FAM234A: variants seen among roughly 807,000 people sequenced by gnomAD.
The protein encoded by FAM234A is family with sequence similarity 234 member A, also known as protein FAM234A.
A neutral mutation model predicts 49.1 loss-of-function variants in FAM234A; 42 were observed. That is an observed-to-expected ratio of 0.86 (90% CI 0.67 to 1.11). The LOEUF is 1.11. FAM234A is among the 50% of genes least tolerant of loss of function. The probability of loss-of-function intolerance (pLI) is 0.00; values close to 1 mark genes in which losing one functional copy is unlikely to be tolerated. For synonymous variants in FAM234A, 369 were observed against 316.2 expected, an observed-to-expected ratio of 1.17 and a Z score of -1.77; for missense variants, 815 against 745.2, an observed-to-expected ratio of 1.09 and a Z score of -1.09.
In FAM234A at chr16:264,672, T is replaced by A. The variant is rs953371650; in HGVS notation, c.1403T>A (p.Leu468Gln). ...TTCCACCCCACCCTGCCGCGCGTGC[T>A]GCTGGAGCTGGCCAATGTCTCTACC... ...YMFHPTLPRV[L>Q]LELANVSTHI... The change falls in exon 12 of 13, where the codon CTG becomes CAG. Residue 468 changes from leucine (L) to glutamine (Q), a missense_variant. Physicochemically the swap from Leu to Gln is moderately radical, Grantham distance 113 (BLOSUM62 -2). Transcript: ENST00000399932. The A allele has an allele frequency of 6.2e-7, 1 of 1,612,234 alleles. No individual in the cohort carries two copies. Among genetic ancestry groups the A allele is most frequent in the Non-Finnish European group, 8.5e-7 (1 of 1,179,956 alleles).
Position 254,662 on chromosome 16 carries a change from G to A in FAM234A, c.249G>A (p.Arg83=), listed in dbSNP as rs369958258. Residue 83 remains arginine (R), a synonymous_variant, in exon 3 of 13, where the codon AGG becomes AGA. Coordinates refer to ENST00000399932, the MANE Select transcript of FAM234A (RefSeq NM_032039.4). ...PDRPASQRMW[R]IDYSAAVIYD... ...GGCCGGCGTCACAGCGAATGTGGAG[G>A]ATAGACTACAGTGCCGCTGGTGAGC... The A allele has an allele frequency of 8.6e-5, 139 of 1,613,914 alleles. No individual in the cohort carries two copies. In the African/African-American group the frequency reaches 1.6e-3, roughly 19 times the overall value.
At position 254,585 on chromosome 16, in the gene FAM234A, C is replaced by T; in HGVS notation, c.172C>T (p.Leu58Phe). ...GGCGGCGTTTTTTCTTTCATTGTTT[C>T]TCTGCCTTTTTGTGGTGTTCGTCGT... Reference protein sequence around the residue: ...RAAAFFLSLFLCLFVVFVVSF... With the variant: ...RAAAFFLSLFFCLFVVFVVSF... Residue 58 changes from leucine to phenylalanine, a missense_variant, in exon 3 of 13, where the codon CTC (leucine) becomes TTC (phenylalanine). Leu to Phe is a conservative substitution (Grantham distance 22). Transcript: ENST00000399932. The T allele has an allele frequency of 1.3e-6, 2 of 1,557,726 alleles. No individual in the cohort carries two copies. The highest frequency in any genetic ancestry group is 2.2e-5 in the South Asian group (2 of 90,136).
chr16:261,242 A>G (rs901163174), intron 5 of FAM234A, 142 bp from the exon 6 acceptor site: 5 of 944,922 alleles, frequency 5.3e-6, no homozygotes, highest in Middle Eastern at 2.7e-4. Context: ...TCCTGTTGGC[A>G]TCTGCTCTGA....
At chr16:263,602 C>T (rs921704405) in intron 9 of FAM234A, 98 bp from the exon 10 acceptor site, 3 of 1,266,540 alleles carry the variant, frequency 2.4e-6, no homozygotes, top group African/African-American at 3.0e-5. Context: ...CCAGATGTGG[C>T]CATGGGAGAC....
intron 1 of FAM234A, among the ~76,000 whole-genome samples, chr16:239,802 T>C (rs1018602150): frequency 6.6e-5 from 10 of 152,136 alleles, no homozygotes; most frequent in African/African-American, 2.4e-4. Context: ...CCTTCTCAAG[T>C]ACTGTAAAAG....
At chr16:245,983 G>A (rs950142455) in intron 1 of FAM234A, among the ~76,000 whole-genome samples, 2 of 152,068 alleles carry the variant, frequency 1.3e-5, no homozygotes, top group Non-Finnish European at 2.9e-5. Flanking sequence ...TAGGTGGGCA[G>A]ATCACGAGGT....
chr16:245,593 CT>C (rs987843205), intron 1 of FAM234A, among the ~76,000 whole-genome samples: 1 of 151,976 alleles, frequency 6.6e-6, no homozygotes, highest in African/African-American at 2.4e-5. Context: ...TTTGGCTTCC[CT>C]GGGCCACGTT....
chr16:237,821 A>C (rs2050455118), intron 1 of FAM234A, among the ~76,000 whole-genome samples: 1 of 147,828 alleles, frequency 6.8e-6, no homozygotes, highest in Non-Finnish European at 1.5e-5. Context: ...CTCTTGCCTC[A>C]GCCTCTGGAG....
intron 6 of FAM234A, among the ~76,000 whole-genome samples, chr16:261,795 C>T (rs1183915122): frequency 2.0e-5 from 3 of 152,202 alleles, no homozygotes; most frequent in Non-Finnish European, 4.4e-5. Context: ...CTGGGAGCAC[C>T]TGTGAGGCAC....
chr16:244,059 C>G (rs1330944481), intron 1 of FAM234A, among the ~76,000 whole-genome samples: 2 of 151,920 alleles, frequency 1.3e-5, no homozygotes, highest in African/African-American at 4.8e-5. Context: ...ACCTCCGCCT[C>G]CCAGGTTCAC....
chr16:269,238 A>G (rs377266331), downstream of FAM234A: 9 of 1,437,406 alleles, frequency 6.3e-6, no homozygotes, highest in East Asian at 2.4e-5. Flanking sequence ...GTTGAGCTGC[A>G]GGGACTAGAG....
At chr16:256,272 G>A (rs2051228450) in intron 3 of FAM234A, among the ~76,000 whole-genome samples, 1 of 152,326 alleles carries the variant, frequency 6.6e-6, no homozygotes, top group African/African-American at 2.4e-5. Flanking sequence ...ACTTTCTGAG[G>A]AGCTGACAAG....
intron 3 of FAM234A, among the ~76,000 whole-genome samples, chr16:258,959 T>C (rs1259133583): frequency 6.6e-6 from 1 of 152,176 alleles, no homozygotes; most frequent in Non-Finnish European, 1.5e-5. Context: ...ATTTTTTGTA[T>C]TTTTAGTAGA....
At chr16:246,138 C>A (rs1022761439) in intron 1 of FAM234A, among the ~76,000 whole-genome samples, 1 of 151,364 alleles carries the variant, frequency 6.6e-6, no homozygotes, top group African/African-American at 2.4e-5. Flanking sequence ...TCGCTTGAAC[C>A]CAGGAGGCAG....
At chr16:255,472 G>C (rs888716989) in intron 3 of FAM234A, among the ~76,000 whole-genome samples, 1 of 152,160 alleles carries the variant, frequency 6.6e-6, no homozygotes, top group Admixed American at 6.5e-5. Context: ...TACTTGGGAG[G>C]CTGAGGTAGG....
In FAM234A at chr16:260,179, G is replaced by A. The variant is rs779720387; in HGVS notation, c.577+19G>A. 13 of 1,611,354 alleles carry A rather than the reference G, an allele frequency of 8.1e-6. 1 individual carries two copies. The highest frequency in any genetic ancestry group is 2.2e-5 in the East Asian group (1 of 44,884). ...TTCACAGGTAGGCCAGCCAGGCAGCGGGGTTCTCACTGAGGGCCTCTCACC... is the reference window on the plus strand; with the variant it reads ...TTCACAGGTAGGCCAGCCAGGCAGCAGGGTTCTCACTGAGGGCCTCTCACC... On this transcript the variant is annotated intron_variant, in intron 5 of 12. Transcript: ENST00000399932.
At chr16:260,534 G>A (rs767290474) in intron 5 of FAM234A, 38 of 481,700 alleles carry the variant, frequency 7.9e-5, no homozygotes, top group South Asian at 4.2e-4. Flanking sequence ...ACCAGCACTC[G>A]GCCCGTCAGG....
intron 2 of FAM234A, among the ~76,000 whole-genome samples, chr16:252,883 C>G (rs1467126715): frequency 6.6e-6 from 1 of 152,180 alleles, no homozygotes; most frequent in African/African-American, 2.4e-5. Flanking sequence ...CGCACGCCCT[C>G]TTTCATCTTT....
At chr16:269,137 G>C, downstream of FAM234A, 1 of 904,584 alleles carries the variant, frequency 1.1e-6, no homozygotes, top group Non-Finnish European at 1.8e-6. Context: ...AGAAGACTGG[G>C]CCCCCTGGGC....
Sources: gnomAD v4.1 joint callset for allele counts (sites outside exome capture counted in the v4.1 genomes callset) on GRCh38, gnomAD v4.1.1 for gene constraint, MANE v1.5 for transcripts, NCBI Gene and HGNC (gene_info 2026-07-23, HGNC 2026-07-21) for gene names.